Variants in LRRC45 observed in about 807,000 individuals in gnomAD.
LRRC45 encodes leucine rich repeat containing 45.
A neutral mutation model predicts 85.4 loss-of-function variants in LRRC45; 73 were observed. The ratio of observed to expected loss-of-function variants is 0.85; its 90% confidence interval spans 0.71 to 1.04. The LOEUF (loss-of-function observed/expected upper bound fraction) is 1.04. Among genes scored for constraint, LRRC45 ranks in the 50% least tolerant of loss-of-function variants. The pLI is 0.00. For synonymous variants in LRRC45, 429 were observed against 386.0 expected (o/e 1.11, Z -1.31); for missense variants, 937 against 883.3 (o/e 1.06, Z -0.77).
At chr17:82,029,280 C>T (rs2043395916) in intron 13 of LRRC45, 95 bp downstream of exon 13, 3 of 1,246,284 alleles carry the variant, frequency 2.4e-6, no homozygotes, top group Non-Finnish European at 3.3e-6. Flanking sequence ...CCAGAGACCT[C>T]TTCCTGTTCC....
At chr17:82,026,656 T>C (rs1483347120) in intron 5 of LRRC45, 1 of 373,760 alleles carries the variant, frequency 2.7e-6, no homozygotes, top group Non-Finnish European at 5.2e-6. Flanking sequence ...CTCGGCTCAC[T>C]GCAACCTCCA....
intron 14 of LRRC45, 84 bp downstream of exon 14, chr17:82,029,719 T>A: frequency 7.5e-7 from 1 of 1,342,132 alleles, no homozygotes; most frequent in Middle Eastern, 2.5e-4. Flanking sequence ...AGCTTCGGTC[T>A]GAGTGGGGAG....
chr17:82,023,503 G>A lies in LRRC45; in HGVS notation c.-141G>A, dbSNP rs538103004. 5.2e-5 allele frequency: 38 copies of A among 726,982 alleles called. No individual in the cohort carries two copies. The highest frequency in any genetic ancestry group is 4.0e-4 in the Admixed American group (13 of 32,146). 45.0% of individuals were successfully genotyped at this position (726,982 alleles called of 1,614,324 possible). A position where few individuals can be genotyped will look rare whatever the true frequency, so the allele number is the denominator to read the frequency against. ...CGCGCTCCCAGGACCTCCCGCCCGC[G>A]GAGCCCACTCGGATTGCTCTCCGCC... On this transcript the variant is annotated 5_prime_UTR_variant, in exon 1 of 17. Coordinates refer to ENST00000306688, the MANE Select transcript of LRRC45 (RefSeq NM_144999.4).
intron 4 of LRRC45, 46 bp from the exon 5 acceptor site, chr17:82,025,333 C>T (rs1481428579): frequency 1.9e-6 from 3 of 1,539,380 alleles, no homozygotes; most frequent in Non-Finnish European, 2.6e-6. Flanking sequence ...GCCAGCTCCC[C>T]CTCTGCCAGG....
At chr17:82,024,672 A>T (rs994091923) in intron 2 of LRRC45, 21 bp from the exon 3 acceptor site, 4 of 1,566,092 alleles carry the variant, frequency 2.6e-6, no homozygotes, top group Non-Finnish European at 3.4e-6. Context: ...GCGAGTGACT[A>T]CCGGCCTGTT....
intron 1 of LRRC45, 64 bp downstream of exon 1, chr17:82,023,927 C>A: frequency 7.0e-7 from 1 of 1,434,448 alleles, no homozygotes. Context: ...GCCTCGGCAG[C>A]CCGAGGTCGC....
At chr17:82,029,991 TG>T in intron 14 of LRRC45, 73 bp from the exon 15 acceptor site, 1 of 1,445,504 alleles carries the variant, frequency 6.9e-7, no homozygotes. Context: ...GGTGGGGTCG[TG>T]CCCGTGCAGA....
At chr17:82,026,825 C>A in intron 5 of LRRC45, 74 bp from the exon 6 acceptor site, 2 of 1,213,418 alleles carry the variant, frequency 1.6e-6, no homozygotes, top group South Asian at 2.6e-5. Context: ...GGTGATCCAC[C>A]CACCTCGACC....
Position 82,029,573 on chromosome 17 carries a change from A to C in LRRC45, c.1432A>C (p.Ser478Arg), listed in dbSNP as rs1598456562. The change falls in exon 14 of 17, where the codon AGC (serine) becomes CGC (arginine). Residue 478 changes from serine (S) to arginine (R), a missense_variant. Coordinates refer to ENST00000306688, the MANE Select transcript of LRRC45 (RefSeq NM_144999.4). ...ELSRVKAAAL[S>R]ERGQAEEELI... The stretch of plus-strand genomic sequence containing the variant: ...GAGCCGAGTGAAAGCAGCGGCACTC[A>C]GCGAGCGTGGCCAGGCTGAGGAGGA... 1 of 1,578,568 alleles carries C rather than the reference A, an allele frequency of 6.3e-7. No individual in the cohort carries two copies. The highest frequency in any genetic ancestry group is 8.6e-7 in the Non-Finnish European group (1 of 1,163,768).
intron 3 of LRRC45, 39 bp from the exon 4 acceptor site, chr17:82,024,961 A>G: frequency 6.6e-7 from 1 of 1,506,560 alleles, no homozygotes; most frequent in Non-Finnish European, 8.9e-7. Flanking sequence ...CGGGCTAGGC[A>G]GTCCCCTAGG....
Position 82,030,675 on chromosome 17 carries a change from A to G in LRRC45, c.1883A>G (p.Lys628Arg). ...AGCGAGAACGCGTCTCTCCGGGAGA[A>G]GCTGCGGCTCCGGGAGGCGGAGATC... ...RESENASLRE[K>R]LRLREAEIAR... is the part of the protein sequence containing the mutation. Residue 628 changes from lysine to arginine, a missense_variant, in exon 17 of 17, where the codon AAG becomes AGG. Transcript: ENST00000306688. 2 of 1,471,804 alleles carry G rather than the reference A, an allele frequency of 1.4e-6. No homozygotes were observed. Among genetic ancestry groups the G allele is most frequent in the East Asian group, 5.4e-5 (2 of 37,366 alleles). The allele number at this position is 1,471,804 out of a possible 1,614,324, so 91.2% of individuals were successfully genotyped here.
Position 82,025,145 on chromosome 17 carries a change from G to C in LRRC45, c.499G>C (p.Ala167Pro). ...CAAGGGCGCGGAGGAGCTGGCCCTA[G>C]CCCTGAAGGGCAACACCACCCTCCA... is the stretch of plus-strand genomic sequence containing the variant. Reference protein sequence around the residue: ...SHKGAEELALALKGNTTLQQL... With the variant: ...SHKGAEELALPLKGNTTLQQL... The change falls in exon 4 of 17, where the codon GCC becomes CCC. Residue 167 changes from alanine to proline, a missense_variant. Coordinates refer to ENST00000306688, the MANE Select transcript of LRRC45 (RefSeq NM_144999.4). 6.2e-7 allele frequency: 1 copy of C among 1,606,810 alleles called. No homozygotes were observed. The highest frequency in any genetic ancestry group is 8.5e-7 in the Non-Finnish European group (1 of 1,176,300).
intron 14 of LRRC45, 94 bp from the exon 15 acceptor site, chr17:82,029,971 C>T (rs1598456876): frequency 9.3e-6 from 13 of 1,397,470 alleles, no homozygotes; most frequent in Non-Finnish European, 1.2e-5. Flanking sequence ...AGCAGCCAGT[C>T]CTGCAGAGAG....
chr17:82,031,111 C>A lies in LRRC45; in HGVS notation c.*306C>A. ...CGTGAACGCTGCGGCCGCCTGCGCG[C>A]GGCGGGGTTTGGAAATACAGCGCGT... On this transcript the variant is annotated 3_prime_UTR_variant, in exon 17 of 17. Transcript: ENST00000306688. The A allele has an allele frequency of 2.9e-6, 1 of 346,110 alleles. No homozygotes were observed. Among genetic ancestry groups the A allele is most frequent in the Non-Finnish European group, 5.2e-6 (1 of 192,066 alleles). The allele number at this position is 346,110 out of a possible 1,614,324, so 21.4% of individuals were successfully genotyped here. A position where few individuals can be genotyped will look rare whatever the true frequency, so the allele number is the denominator to read the frequency against.
chr17:82,023,341 G>T lies in LRRC45; in HGVS notation c.-303G>T. The T allele has an allele frequency of 2.2e-6, 1 of 461,508 alleles. No individual in the cohort carries two copies. The highest frequency in any genetic ancestry group is 3.8e-5 in the East Asian group (1 of 26,460). 28.6% of individuals were successfully genotyped at this position (461,508 alleles called of 1,614,324 possible). Reference sequence around the variant, plus strand: ...ATACTGAGGCCCCGACGCGGCTGTCGCGAGGGCGGGGGTCGGGGCTGCAGG... The same window carrying T: ...ATACTGAGGCCCCGACGCGGCTGTCTCGAGGGCGGGGGTCGGGGCTGCAGG... On this transcript the variant is annotated 5_prime_UTR_variant, in exon 1 of 17. Coordinates refer to ENST00000306688, the MANE Select transcript of LRRC45 (RefSeq NM_144999.4).
At position 82,030,439 on chromosome 17, in the gene LRRC45, G is replaced by C; in HGVS notation, c.1789G>C (p.Ala597Pro). The C allele has an allele frequency of 6.5e-7, 1 of 1,547,838 alleles. No individual in the cohort carries two copies. Among genetic ancestry groups the C allele is most frequent in the South Asian group, 1.2e-5 (1 of 84,022 alleles). The change falls in exon 16 of 17, where the codon GCG becomes CCG. Residue 597 changes from alanine (A) to proline (P), a missense_variant. Physicochemically the swap from Ala to Pro is conservative, Grantham distance 27. Coordinates refer to ENST00000306688, the MANE Select transcript of LRRC45 (RefSeq NM_144999.4). ...LAAQEALREK[A>P]AALERQLKVM... Reference sequence around the variant, plus strand: ...GGCTCAGGAGGCGCTGAGGGAGAAGGCGGCGGCCCTGGAGCGCCAGCTGAA... The same window carrying C: ...GGCTCAGGAGGCGCTGAGGGAGAAGCCGGCGGCCCTGGAGCGCCAGCTGAA...
rs1346293723 is a variant in LRRC45 at position 82,023,710 on chromosome 17, G to C, written c.67G>C (p.Val23Leu). 4 of 1,551,516 alleles carry C rather than the reference G, an allele frequency of 2.6e-6. No homozygotes were observed. The South Asian group carries it at 4.7e-5, about 18-fold the overall frequency. Residue 23 changes from valine (V) to leucine (L), a missense_variant, in exon 1 of 17, where the codon GTC becomes CTC. Val to Leu is a conservative substitution (Grantham distance 32). Transcript: ENST00000306688. ...GAGTGGGGCCGAGCCCCAGGAGGCTGTCCTGCAGCAGCTGCACCAGCTTCC... is the reference window on the plus strand; with the variant it reads ...GAGTGGGGCCGAGCCCCAGGAGGCTCTCCTGCAGCAGCTGCACCAGCTTCC... ...RESGAEPQEA[V>L]LQQLHQLPRG...
chr17:82,026,500 G>A (rs954881558), intron 5 of LRRC45, among the ~76,000 whole-genome samples: 13 of 152,058 alleles, frequency 8.5e-5, no homozygotes, highest in African/African-American at 3.1e-4. Flanking sequence ...CCAGCCGCTG[G>A]GTGCAGGGCT....
At chr17:82,024,468 G>C (rs1484268143) in intron 2 of LRRC45, 129 bp downstream of exon 2, 3 of 1,115,460 alleles carry the variant, frequency 2.7e-6, no homozygotes, top group African/African-American at 1.6e-5. Flanking sequence ...TCCCCAGGCC[G>C]CTCTCTGATG....
Sources: gnomAD v4.1 joint callset for allele counts (sites outside exome capture counted in the v4.1 genomes callset) on GRCh38, gnomAD v4.1.1 for gene constraint, MANE v1.5 for transcripts, NCBI Gene and HGNC (gene_info 2026-07-23, HGNC 2026-07-21) for gene names.